Variants in MYH7 observed in about 807,000 individuals in gnomAD.
MYH7 encodes the protein myosin heavy chain 7.
MYH7 carries 129 observed loss-of-function variants against 225.4 expected under a neutral mutation model. That is an observed-to-expected ratio of 0.57 (90% CI 0.50 to 0.66). The LOEUF is 0.66. MYH7 is among the 30% of genes least tolerant of loss of function. The pLI is 0.00. For missense variants in MYH7, 1,649 were observed against 2,517.0 expected (o/e 0.66, Z 7.38); for synonymous variants, 971 against 1,007.6 (o/e 0.96, Z 0.69).
chr14:23,424,069 C>G lies in MYH7; in HGVS notation c.2760G>C (p.Lys920Asn). ...CATCCTCCAGCCTCTCGTTCATCTC[C>G]TTCACCTTGGCCTCCAGCTGAATCT... ...KNKIQLEAKV[K>N]EMNERLEDEE... The change falls in exon 23 of 40, where the codon AAG becomes AAC. Residue 920 changes from lysine (K) to asparagine (N), a missense_variant. Lys to Asn is a moderately conservative substitution (Grantham distance 94, BLOSUM62 0). Coordinates refer to ENST00000355349, the MANE Select transcript of MYH7 (RefSeq NM_000257.4). 1 of 1,614,236 alleles carries G rather than the reference C, an allele frequency of 6.2e-7. No homozygotes were observed. The highest frequency in any genetic ancestry group is 8.5e-7 in the Non-Finnish European group (1 of 1,180,042).
rs752462454 is a variant in MYH7, at chr14:23,433,805, C to A, written c.-8-65G>T. ...TTCTTCCCTTCCCTCCCTGGGCTCT[C>A]CCCTTCAGTGGGAGCCCCAAAACCT... On this transcript the variant is annotated intron_variant, in intron 2 of 39. Transcript: ENST00000355349. This position sits in a 1 kb window ranked among gnomAD's most constrained non-coding sequence, Gnocchi z 4.1. 2.7e-5 allele frequency: 41 copies of A among 1,525,766 alleles called. No homozygotes were observed. The highest frequency in any genetic ancestry group is 3.6e-5 in the Non-Finnish European group (40 of 1,109,276). The allele number at this position is 1,525,766 out of a possible 1,614,324, so 94.5% of individuals were successfully genotyped here. A position where few individuals can be genotyped will look rare whatever the true frequency, so the allele number is the denominator to read the frequency against.
At chr14:23,431,074 T>C in intron 9 of MYH7, 75 bp from the exon 10 acceptor site, 1 of 1,122,192 alleles carries the variant, frequency 8.9e-7, no homozygotes, top group Non-Finnish European at 1.4e-6. Context: ...ATGATAAATG[T>C]AGCAAGCAAA....
rs730880789 is a variant in MYH7 at position 23,418,300 on chromosome 14, A to G, written c.4079T>C (p.Val1360Ala). The change falls in exon 30 of 40, where the codon GTC becomes GCC. Residue 1360 changes from valine (V) to alanine (A), a missense_variant. Around this residue, in one of 12 missense-constraint regions of MYH7, gnomAD observed 687 missense variants for 913.8 expected, o/e 0.75. Coordinates refer to ENST00000355349, the MANE Select transcript of MYH7 (RefSeq NM_000257.4). ...CACCTCCGAGTTGGCCTTGGAAAGG[A>G]CGCGCTGCAGCTCGGCCTTGGCCTC... is the stretch of plus-strand genomic sequence containing the variant. ...ETEAKAELQR[V>A]LSKANSEVAQ... The G allele has an allele frequency of 1.1e-5, 18 of 1,613,534 alleles. No individual in the cohort carries two copies. The highest frequency in any genetic ancestry group is 1.5e-5 in the Non-Finnish European group (18 of 1,180,024).
chr14:23,417,218 T>C lies in MYH7; in HGVS notation c.4454A>G (p.Lys1485Arg), dbSNP rs1566525134. The C allele has an allele frequency of 2.5e-6, 4 of 1,614,220 alleles. No homozygotes were observed. Among genetic ancestry groups the C allele is most frequent in the South Asian group, 1.1e-5 (1 of 91,086 alleles). Residue 1485 changes from lysine (K) to arginine (R), a missense_variant, in exon 32 of 40, where the codon AAG (lysine) becomes AGG (arginine). Around this residue, in one of 12 missense-constraint regions of MYH7, gnomAD observed 687 missense variants for 913.8 expected, o/e 0.75. Coordinates refer to ENST00000355349, the MANE Select transcript of MYH7 (RefSeq NM_000257.4). ...TTCCAGGGACTCCTCATAGGCGTTCTTGAGTTTGAAGAGCTCTGTGCTGAG... is the reference window on the plus strand; with the variant it reads ...TTCCAGGGACTCCTCATAGGCGTTCCTGAGTTTGAAGAGCTCTGTGCTGAG... ...RSLSTELFKL[K>R]NAYEESLEHL...
In MYH7 at chr14:23,432,916, A is replaced by G; in HGVS notation, c.346-121T>C. The G allele has an allele frequency of 1.5e-5, 23 of 1,497,954 alleles. No homozygotes were observed. The South Asian group carries it at 2.6e-4, about 17-fold the overall frequency. 92.8% of individuals were successfully genotyped at this position (1,497,954 alleles called of 1,614,324 possible). A position where few individuals can be genotyped will look rare whatever the true frequency, so the allele number is the denominator to read the frequency against. ...AAAGGAAAACCTCTGCATGCACTCA[A>G]TCTGAGTAATGCCAGTCCCCAGAGT... On this transcript the variant is annotated intron_variant, in intron 4 of 39. Coordinates refer to ENST00000355349, the MANE Select transcript of MYH7 (RefSeq NM_000257.4).
intron 28 of MYH7, 68 bp downstream of exon 28, chr14:23,419,415 A>G: frequency 6.2e-7 from 1 of 1,611,386 alleles, no homozygotes; most frequent in South Asian, 1.1e-5. Flanking sequence ...CTTGTGCCCG[A>G]GGCTGGAGTG....
intron 27 of MYH7, 47 bp downstream of exon 27, chr14:23,419,798 G>A: frequency 6.2e-7 from 1 of 1,614,078 alleles, no homozygotes. Context: ...ACAGAAAGGG[G>A]AGGTGGGAGG....
In MYH7 at chr14:23,413,840, C is replaced by T. The variant is rs988052048; in HGVS notation, c.5709G>A (p.Leu1903=). 5 of 1,614,276 alleles carry T rather than the reference C, an allele frequency of 3.1e-6. No homozygotes were observed. The highest frequency in any genetic ancestry group is 3.4e-6 in the Non-Finnish European group (4 of 1,180,054). ...LSKFRKVQHE[L]DEAEERADIA... ...TGTCCGCCCGCTCCTCTGCCTCATC[C>T]AGCTCGTGCTGCACCTTGCGGAACT... The change falls in exon 39 of 40, where the codon CTG becomes CTA. Residue 1903 remains leucine (L), a synonymous_variant. Transcript: ENST00000355349.
rs376022200 is a variant in MYH7, at chr14:23,432,510, T to C, written c.503-4A>G. ...AGGATGGACTGGTTTTCTCTGTCTG[T>C]GGGGAGAGGGTGGGGAGGAAAGGTC... On this transcript the variant is annotated splice_polypyrimidine_tract_variant and splice_region_variant and intron_variant, in intron 5 of 39. Transcript: ENST00000355349. 18 of 1,613,724 alleles carry C rather than the reference T, an allele frequency of 1.1e-5. No individual in the cohort carries two copies. The highest frequency in any genetic ancestry group is 5.3e-5 in the African/African-American group (4 of 74,812).
At chr14:23,417,759 C>A (rs1216679005) in intron 30 of MYH7, 73 bp from the exon 31 acceptor site, 2 of 1,566,794 alleles carry the variant, frequency 1.3e-6, no homozygotes, top group African/African-American at 1.4e-5. Flanking sequence ...ACAACATGAA[C>A]CTTCTCAAAG....
At chr14:23,430,792 A>T in intron 10 of MYH7, 109 bp downstream of exon 10, 1 of 1,251,210 alleles carries the variant, frequency 8.0e-7, no homozygotes, top group Non-Finnish European at 1.2e-6. Flanking sequence ...CACTGAATTG[A>T]ATCCAGCAGT....
chr14:23,435,364 CCACACACACACACACACA>C (rs3138591), intron 1 of MYH7, among the ~76,000 whole-genome samples: 1 of 147,550 alleles, frequency 6.8e-6, no homozygotes, highest in Non-Finnish European at 1.5e-5. Flanking sequence ...GCAGGCTTGT[CCACACACACACACACACA>C]CACACACACA....
In MYH7 at chr14:23,422,192, T is replaced by G; in HGVS notation, c.3233A>C (p.Glu1078Ala). 6.2e-7 allele frequency: 1 copy of G among 1,613,126 alleles called. No individual in the cohort carries two copies. The highest frequency in any genetic ancestry group is 8.5e-7 in the Non-Finnish European group (1 of 1,180,026). The change falls in exon 25 of 40, where the codon GAG becomes GCG. Residue 1078 changes from glutamate to alanine, a missense_variant. Glu to Ala is a moderately radical substitution (Grantham distance 107). Transcript: ENST00000355349. Reference sequence around the variant, plus strand: ...GGGGACACAGTACTTTTTCAGCCGCTCATCCAGCTGCTGCTTGTCATTCTC... The same window carrying G: ...GGGGACACAGTACTTTTTCAGCCGCGCATCCAGCTGCTGCTTGTCATTCTC... ...DLENDKQQLD[E>A]RLKKKDFELN...
chr14:23,419,650 G>T, intron 27 of MYH7, 41 bp from the exon 28 acceptor site: 1 of 1,612,512 alleles, frequency 6.2e-7, no homozygotes, highest in Non-Finnish European at 8.5e-7. Context: ...TGTTGGGGGC[G>T]GGGGGAATGA....
In MYH7 at chr14:23,420,169, C is replaced by T. The variant is rs587781083; in HGVS notation, c.3402G>A (p.Lys1134=). ...GCTCCCGAGACAGGTCTGAGCGCAG[C>T]TTCTCCACCTTAGCCCTGGCGGTGC... ...AERTARAKVE[K]LRSDLSRELE... The change falls in exon 27 of 40, where the codon AAG becomes AAA. Residue 1134 remains lysine (K), a synonymous_variant. Transcript: ENST00000355349. The T allele has an allele frequency of 1.9e-6, 3 of 1,601,334 alleles. No individual in the cohort carries two copies. In the African/African-American group the frequency reaches 4.0e-5, roughly 22 times the overall value.
chr14:23,432,146 A>C (rs1255523531), intron 6 of MYH7, among the ~76,000 whole-genome samples: 1 of 152,186 alleles, frequency 6.6e-6, no homozygotes, highest in Non-Finnish European at 1.5e-5. Context: ...GTTTTGGGAA[A>C]AGTTGGTAGG....
At position 23,425,046 on chromosome 14, in the gene MYH7, A is replaced by G; in HGVS notation, c.2424-22T>C. On this transcript the variant is annotated intron_variant, in intron 21 of 39. Coordinates refer to ENST00000355349, the MANE Select transcript of MYH7 (RefSeq NM_000257.4). This position sits in a 1 kb window ranked among gnomAD's most constrained non-coding sequence, Gnocchi z 4.6. The stretch of plus-strand genomic sequence containing the variant: ...GTCTCTGCAGGGGCCCATTGAAAGG[A>G]GTGCTGAGCCTCCTGCCTCCTTCCT... 3 of 1,614,092 alleles carry G rather than the reference A, an allele frequency of 1.9e-6. No homozygotes were observed. Among genetic ancestry groups the G allele is most frequent in the Non-Finnish European group, 2.5e-6 (3 of 1,180,004 alleles).
intron 11 of MYH7, 61 bp from the exon 12 acceptor site, chr14:23,429,974 C>T: frequency 6.3e-7 from 1 of 1,599,546 alleles, no homozygotes. Flanking sequence ...TAAGTGAGAT[C>T]CCTTGTAAGT....
chr14:23,417,039 T>C (rs763580229), intron 32 of MYH7, 47 bp from the exon 33 acceptor site: 1 of 1,614,084 alleles, frequency 6.2e-7, no homozygotes, highest in Non-Finnish European at 8.5e-7. Flanking sequence ...TGAGGTCCAG[T>C]GGAGTTGGAG....
Sources: gnomAD v4.1 joint callset for allele counts (sites outside exome capture counted in the v4.1 genomes callset) on GRCh38, gnomAD v4.1.1 for gene constraint, gnomAD v4.1.1 regional missense constraint, Gnocchi (gnomAD v3.1) non-coding constraint, MANE v1.5 for transcripts, NCBI Gene and HGNC (gene_info 2026-07-23, HGNC 2026-07-21) for gene names.